Variants in TAFA4 observed in about 807,000 individuals in gnomAD.
TAFA4 encodes the protein chemokine-like protein TAFA-4.
TAFA4 carries 20 observed loss-of-function variants against 21.1 expected under a neutral mutation model. That is an observed-to-expected ratio of 0.95 (90% CI 0.67 to 1.38). The LOEUF is 1.38. Ranked by LOEUF, TAFA4 falls within the 40% of genes most tolerant of loss-of-function variation. The pLI, the probability that TAFA4 is intolerant of heterozygous loss-of-function variation, is 0.00. For synonymous variants in TAFA4, 71 were observed against 67.4 expected (o/e 1.05, Z -0.26); for missense variants, 211 against 180.9 (o/e 1.17, Z -0.95).
At chr3:68,750,519 A>G (rs558900399) in intron 4 of TAFA4, among the ~76,000 whole-genome samples, 1 of 152,324 alleles carries the variant, frequency 6.6e-6, no homozygotes, top group East Asian at 1.9e-4. Flanking sequence ...GTTTTCTACA[A>G]ACCTATCTCC....
At chr3:68,882,288 T>A (rs1296887179) in intron 2 of TAFA4, among the ~76,000 whole-genome samples, 3 of 152,068 alleles carry the variant, frequency 2.0e-5, no homozygotes, top group Admixed American at 6.5e-5. Context: ...GGGTATCTGA[T>A]CCAGCCTGCA....
intron 1 of TAFA4, among the ~76,000 whole-genome samples, chr3:68,904,328 C>A (rs1333470886): frequency 6.6e-6 from 1 of 152,052 alleles, no homozygotes; most frequent in Non-Finnish European, 1.5e-5. Context: ...AGAAGGAAAC[C>A]GGGAGAGCCA....
chr3:68,739,200 C>G lies in TAFA4; in HGVS notation c.287-1G>C. The G allele has an allele frequency of 6.2e-7, 1 of 1,613,150 alleles. No individual in the cohort carries two copies. The highest frequency in any genetic ancestry group is 8.5e-7 in the Non-Finnish European group (1 of 1,179,660). On this transcript the variant is annotated splice_acceptor_variant, in intron 4 of 5. Transcript: ENST00000295569. LOFTEE classifies it high-confidence loss of function. ...CACCATTTCTGAATCACAATGGAAG[C>G]TGGAAAACAAAGGCCAAATAATATT...
chr3:68,739,029 A>G, intron 5 of TAFA4, 46 bp downstream of exon 5: 1 of 1,605,512 alleles, frequency 6.2e-7, no homozygotes, highest in Non-Finnish European at 8.5e-7. Context: ...AGAAAGCCCC[A>G]CAGTTGATAA....
chr3:68,804,551 TA>T (rs1298990642), intron 3 of TAFA4, among the ~76,000 whole-genome samples: 2 of 152,158 alleles, frequency 1.3e-5, no homozygotes, highest in Non-Finnish European at 2.9e-5. Context: ...GACTTCAAAC[TA>T]TACTACAAGG....
At chr3:68,846,928 G>A (rs902201719) in intron 3 of TAFA4, among the ~76,000 whole-genome samples, 5 of 45,534 alleles carry the variant, frequency 1.1e-4, no homozygotes, top group East Asian at 6.0e-4. Context: ...GATGCCAGCC[G>A]CTCTCCTGCA....
At position 68,752,921 on chromosome 3, in the gene TAFA4, G is replaced by A. The variant is rs769594198; in HGVS notation, c.228C>T (p.Cys76=). The A allele has an allele frequency of 8.1e-6, 13 of 1,613,974 alleles. No homozygotes were observed. The highest frequency in any genetic ancestry group is 1.1e-5 in the Non-Finnish European group (13 of 1,180,046). The part of the protein sequence containing the change: ...RIEERSQTVK[C]SCFPGQVAGT... Reference sequence around the variant, plus strand: ...CCGCCACCTGTCCCGGGAAGCAAGAGCACTTGACCGTTTGTGACCGCTCTT... The same window carrying A: ...CCGCCACCTGTCCCGGGAAGCAAGAACACTTGACCGTTTGTGACCGCTCTT... The change falls in exon 4 of 6, where the codon TGC becomes TGT. Residue 76 remains cysteine, a synonymous_variant. Coordinates refer to ENST00000295569, the MANE Select transcript of TAFA4 (RefSeq NM_182522.5).
intron 3 of TAFA4, among the ~76,000 whole-genome samples, chr3:68,776,166 C>A (rs1559517351): frequency 6.6e-6 from 1 of 151,940 alleles, no homozygotes; most frequent in Non-Finnish European, 1.5e-5. Flanking sequence ...AGACTCAAAC[C>A]TAAACATAAT....
intron 3 of TAFA4, among the ~76,000 whole-genome samples, chr3:68,781,521 C>T (rs971920246): frequency 2.0e-5 from 3 of 151,986 alleles, no homozygotes; most frequent in African/African-American, 7.2e-5. Flanking sequence ...AGTTTGATAA[C>T]TTATTTGAAA....
chr3:68,869,691 G>A (rs2089461062), intron 3 of TAFA4, among the ~76,000 whole-genome samples: 1 of 151,834 alleles, frequency 6.6e-6, no homozygotes, highest in East Asian at 1.9e-4. Flanking sequence ...TCAACAAATT[G>A]GGTACAGAAG....
chr3:68,737,848 A>G (rs1702272214), intron 5 of TAFA4, among the ~76,000 whole-genome samples: 1 of 152,186 alleles, frequency 6.6e-6, no homozygotes, highest in Non-Finnish European at 1.5e-5. Context: ...AAGGGATCAA[A>G]GCTCAATAGC....
At chr3:68,800,222 A>G (rs1703547130) in intron 3 of TAFA4, among the ~76,000 whole-genome samples, 1 of 152,146 alleles carries the variant, frequency 6.6e-6, no homozygotes, top group South Asian at 2.1e-4. Context: ...CATGAAAAAA[A>G]TGTCTTTCAC....
intron 1 of TAFA4, among the ~76,000 whole-genome samples, chr3:68,888,878 T>C (rs1337200971): frequency 6.6e-6 from 1 of 152,078 alleles, no homozygotes; most frequent in Non-Finnish European, 1.5e-5. Flanking sequence ...TCCTACCTCT[T>C]AATACCATCA....
chr3:68,824,695 G>A (rs886902889), intron 3 of TAFA4, among the ~76,000 whole-genome samples: 7 of 152,152 alleles, frequency 4.6e-5, no homozygotes, highest in Admixed American at 6.5e-5. Flanking sequence ...TCAGCTTTAT[G>A]TGACACAGAA....
At chr3:68,871,876 G>T (rs1346562011) in intron 3 of TAFA4, among the ~76,000 whole-genome samples, 2 of 152,064 alleles carry the variant, frequency 1.3e-5, no homozygotes, top group African/African-American at 4.8e-5. Context: ...AGTCAAAATG[G>T]TTTTTATCAA....
chr3:68,883,520 C>T (rs1382463277), intron 2 of TAFA4, among the ~76,000 whole-genome samples: 1 of 152,096 alleles, frequency 6.6e-6, no homozygotes, highest in Non-Finnish European at 1.5e-5. Context: ...AGATGTGAAA[C>T]TCATCAAAAC....
At chr3:68,891,368 G>A (rs1389873185) in intron 1 of TAFA4, among the ~76,000 whole-genome samples, 2 of 152,054 alleles carry the variant, frequency 1.3e-5, no homozygotes, top group Admixed American at 6.6e-5. Context: ...GCCCTTTCCC[G>A]CCTGCCCACT....
intron 3 of TAFA4, among the ~76,000 whole-genome samples, chr3:68,773,940 G>T (rs531927576): frequency 1.3e-5 from 2 of 152,252 alleles, no homozygotes; most frequent in South Asian, 4.1e-4. Flanking sequence ...GATCAGAACC[G>T]TATTGTCAAC....
chr3:68,905,573 G>A (rs2089891261), intron 1 of TAFA4, among the ~76,000 whole-genome samples: 1 of 152,158 alleles, frequency 6.6e-6, no homozygotes, highest in South Asian at 2.1e-4. Context: ...AACACACAGA[G>A]AAGATAATTT....
Sources: allele counts gnomAD v4.1 joint callset (sites outside exome capture counted in the v4.1 genomes callset), GRCh38; gene constraint gnomAD v4.1.1; transcripts MANE v1.5; gene names NCBI Gene and HGNC (gene_info 2026-07-23, HGNC 2026-07-21).